The following SHTN1 variants were observed in gnomAD, a reference collection of about 807,000 sequenced individuals.
SHTN1 encodes shootin-1.
In SHTN1, 42 loss-of-function variants were observed where a neutral mutation model predicts 83.1. That is an observed-to-expected ratio of 0.51 (90% CI 0.39 to 0.65). The LOEUF is 0.65. Among genes scored for constraint, SHTN1 ranks in the 30% least tolerant of loss-of-function variants. SHTN1 has a pLI of 0.00. For missense variants in SHTN1, 622 were observed against 737.8 expected, an observed-to-expected ratio of 0.84 and a Z score of 1.82; for synonymous variants, 224 against 247.7, an observed-to-expected ratio of 0.90 and a Z score of 0.90.
At chr10:116,912,773 C>T (rs1475278739) in intron 13 of SHTN1, among the ~76,000 whole-genome samples, 1 of 152,130 alleles carries the variant, frequency 6.6e-6, no homozygotes, top group Admixed American at 6.5e-5. Flanking sequence ...GTGAAAGGAA[C>T]CCCTTGAGCC....
rs189581293 is a variant in SHTN1 at position 116,971,492 on chromosome 10, T to C, written c.112-2780A>G. On this transcript the variant is annotated intron_variant, in intron 2 of 16. Coordinates refer to ENST00000355371, the MANE Select transcript of SHTN1 (RefSeq NM_001127211.3). ...CTACATTAGACATCATAACCCTTAA[T>C]GATAGGAGACTTCTGGCTAGCGGTT... 2.0e-3 allele frequency among the ~76,000 whole-genome samples: 309 copies of C among 152,278 alleles called. 3 individuals are homozygous for C. The highest frequency in any genetic ancestry group is 2.2e-3 in the Non-Finnish European group (152 of 68,024).
At chr10:117,123,171 TTTA>T (rs998524237) in intron 1 of SHTN1, among the ~76,000 whole-genome samples, 3 of 152,082 alleles carry the variant, frequency 2.0e-5, no homozygotes, top group African/African-American at 7.2e-5. Context: ...CCCAGCTCAT[TTTA>T]TATTTGTAGT....
At chr10:117,063,299 C>T (rs976230294) in intron 1 of SHTN1, among the ~76,000 whole-genome samples, 31 of 152,140 alleles carry the variant, frequency 2.0e-4, no homozygotes, top group Admixed American at 7.2e-4. Context: ...CTTCAGATAG[C>T]GACTTTAGAA....
intron 1 of SHTN1, among the ~76,000 whole-genome samples, chr10:117,059,494 G>A (rs766725459): frequency 1.2e-4 from 19 of 152,126 alleles, no homozygotes; most frequent in Non-Finnish European, 2.5e-4. Context: ...CAAGTGAATC[G>A]CTAAGTACAC....
intron 4 of SHTN1, among the ~76,000 whole-genome samples, chr10:116,957,340 G>A (rs1216035260): frequency 6.9e-6 from 1 of 145,604 alleles, no homozygotes; most frequent in Non-Finnish European, 1.5e-5. Context: ...TGCAACCTCT[G>A]ACTCCCTGGT....
chr10:116,973,946 G>A, intron 2 of SHTN1: 1 of 1,250,588 alleles, frequency 8.0e-7, no homozygotes, highest in Non-Finnish European at 1.0e-6. Flanking sequence ...ATGTAAGTCT[G>A]GCCAGAACTG....
intron 1 of SHTN1, among the ~76,000 whole-genome samples, chr10:117,078,178 T>A (rs990362123): frequency 1.3e-5 from 2 of 152,126 alleles, no homozygotes; most frequent in Non-Finnish European, 2.9e-5. Context: ...GGGATTAAGA[T>A]CCTGAAGCAC....
At chr10:117,025,465 A>G in intron 2 of SHTN1, among the ~76,000 whole-genome samples, 1 of 152,206 alleles carries the variant, frequency 6.6e-6, no homozygotes, top group East Asian at 1.9e-4. Flanking sequence ...AGGCAATCTA[A>G]GGACACAAAG....
chr10:117,082,972 G>A (rs1853292773), intron 1 of SHTN1, among the ~76,000 whole-genome samples: 1 of 150,458 alleles, frequency 6.6e-6, no homozygotes, highest in African/African-American at 2.4e-5. Context: ...ACACTGATGG[G>A]TCTTGACTCT....
rs112171994 is a variant in SHTN1, at chr10:116,944,626, C to T, written c.711+298G>A. On this transcript the variant is annotated intron_variant, in intron 8 of 16. Coordinates refer to ENST00000355371, the MANE Select transcript of SHTN1 (RefSeq NM_001127211.3). ...TTCAAAAGGTTTTTACGGCTGGGCA[C>T]GGTGGCTCACTTTGGGAGCACTTTG... Among the ~76,000 whole-genome samples the T allele has an allele frequency of 4.1e-3, 627 of 152,200 alleles. 7 individuals carry two copies. The highest frequency in any genetic ancestry group is 0.014 in the African/African-American group (589 of 41,518).
chr10:117,037,954 G>A (rs1167294365), intron 2 of SHTN1, among the ~76,000 whole-genome samples: 7 of 126,650 alleles, frequency 5.5e-5, no homozygotes, highest in African/African-American at 1.5e-4. Context: ...GCAGTGAGCC[G>A]AGATCATGCC....
chr10:117,078,584 T>A (rs1853199406), intron 1 of SHTN1, among the ~76,000 whole-genome samples: 1 of 152,198 alleles, frequency 6.6e-6, no homozygotes, highest in Non-Finnish European at 1.5e-5. Context: ...ACTACTTAGC[T>A]TTGATCCATT....
At chr10:116,960,345 T>C (rs1850141443) in intron 3 of SHTN1, 115 bp from the exon 4 acceptor site, 1 of 587,108 alleles carries the variant, frequency 1.7e-6, no homozygotes, top group Non-Finnish European at 3.0e-6. Context: ...GCCAGACCTT[T>C]AGCTATCACT....
chr10:117,019,131 ACT>A (rs1491287681), intron 2 of SHTN1, among the ~76,000 whole-genome samples: 2 of 78,004 alleles, frequency 2.6e-5, no homozygotes, highest in Non-Finnish European at 8.9e-5. Context: ...ATGACTAGAA[ACT>A]GAAATTTTAA....
At chr10:116,897,706 C>T (rs1419768846) in intron 16 of SHTN1, among the ~76,000 whole-genome samples, 3 of 152,166 alleles carry the variant, frequency 2.0e-5, no homozygotes, top group African/African-American at 7.2e-5. Context: ...CATCAATTTA[C>T]ACACCAGGAA....
chr10:117,085,112 T>C (rs997886862), intron 1 of SHTN1, among the ~76,000 whole-genome samples: 8 of 152,210 alleles, frequency 5.3e-5, no homozygotes, highest in East Asian at 1.9e-4. Context: ...TTTGGTTTCA[T>C]TGATTTTCTC....
chr10:117,057,506 C>A (rs780332157), intron 1 of SHTN1, among the ~76,000 whole-genome samples: 3 of 152,174 alleles, frequency 2.0e-5, no homozygotes, highest in Non-Finnish European at 2.9e-5. Flanking sequence ...ACAAGGCCCT[C>A]CCACTCAGGC....
chr10:117,065,787 AG>A lies in SHTN1; in HGVS notation c.-188-17278del, dbSNP rs1852982088. Among the ~76,000 whole-genome samples the A allele has an allele frequency of 3.1e-4, 4 of 13,078 alleles. 1 individual carries two copies. The highest frequency in any genetic ancestry group is 6.1e-4 in the Non-Finnish European group (4 of 6,596). 8.6% of individuals were successfully genotyped at this position (13,078 alleles called of 152,430 possible). A position where few individuals can be genotyped will look rare whatever the true frequency, so the allele number is the denominator to read the frequency against. ...AAGAAAGAAAGAAAGAAAGAAAGGA[AG>A]GAAGGAAGGAAGGAAGGAAGGAAGG... On this transcript the variant is annotated intron_variant, in intron 1 of 17. Coordinates refer to the SHTN1 transcript ENST00000392901.
intron 11 of SHTN1, among the ~76,000 whole-genome samples, chr10:116,927,469 G>A (rs902248249): frequency 2.0e-5 from 3 of 152,232 alleles, no homozygotes; most frequent in Admixed American, 6.5e-5. Flanking sequence ...CATCTTACAT[G>A]GCAGCAGGGA....
Sources: allele counts gnomAD v4.1 joint callset (sites outside exome capture counted in the v4.1 genomes callset), GRCh38; gene constraint gnomAD v4.1.1; transcripts MANE v1.5; gene names NCBI Gene and HGNC (gene_info 2026-07-23, HGNC 2026-07-21).